Variants in NTAN1 observed in about 807,000 individuals in gnomAD.
NTAN1 encodes N-terminal asparagine amidase, also known as protein N-terminal asparagine amidohydrolase.
Under a neutral mutation model 41.9 loss-of-function variants are expected in NTAN1, and 32 were observed. The ratio of observed to expected loss-of-function variants is 0.76; its 90% confidence interval spans 0.58 to 1.03. The LOEUF is 1.03. Ranked by LOEUF, NTAN1 falls within the 50% of genes least tolerant of loss-of-function variation. The pLI is 0.00. For synonymous variants in NTAN1, 140 were observed against 139.5 expected (o/e 1.00, Z -0.03); for missense variants, 377 against 377.5 (o/e 1.00, Z 0.01).
intron 1 of NTAN1, among the ~76,000 whole-genome samples, chr16:15,051,814 C>A (rs2044303269): frequency 6.6e-6 from 1 of 151,830 alleles, no homozygotes; most frequent in African/African-American, 2.4e-5. Context: ...AATCCTCCCA[C>A]CTCAGCCTCC....
At chr16:15,052,258 G>A (rs964650437) in intron 1 of NTAN1, among the ~76,000 whole-genome samples, 3 of 152,140 alleles carry the variant, frequency 2.0e-5, no homozygotes, top group Admixed American at 6.5e-5. Flanking sequence ...AGGTGACACC[G>A]AAGTTTTAAT....
rs2044494369 is a variant in NTAN1 at position 15,055,924 on chromosome 16, G to A, written c.48C>T (p.Ala16=). The A allele has an allele frequency of 1.6e-6, 2 of 1,232,484 alleles. No homozygotes were observed. The highest frequency in any genetic ancestry group is 2.0e-6 in the Non-Finnish European group (2 of 987,430). 76.3% of individuals were successfully genotyped at this position (1,232,484 alleles called of 1,614,324 possible). A position where few individuals can be genotyped will look rare whatever the true frequency, so the allele number is the denominator to read the frequency against. ...EGRRVRLPQS[A]GDLVRAHPPL... ...GCGGGTGGGCTCGGACGAGGTCCCC[G>A]GCTGACTGCGGCAGCCGCACTCGCC... The change falls in exon 1 of 10, where the codon GCC becomes GCT. Residue 16 remains alanine, a synonymous_variant. Transcript: ENST00000287706.
chr16:15,050,071 A>G (rs2044237503), intron 1 of NTAN1, among the ~76,000 whole-genome samples: 3 of 152,214 alleles, frequency 2.0e-5, no homozygotes, highest in Non-Finnish European at 4.4e-5. Context: ...TCACATAGTT[A>G]TTGTTAGAAT....
chr16:15,047,335 C>CA (rs1157454438), intron 4 of NTAN1, 107 bp downstream of exon 4: 1 of 762,322 alleles, frequency 1.3e-6, no homozygotes, highest in Admixed American at 2.0e-5. Flanking sequence ...ACGAGGCAGA[C>CA]ACGGCAGTGG....
At chr16:15,039,058 ATTAT>A (rs142235290) in intron 8 of NTAN1, among the ~76,000 whole-genome samples, 36 of 152,294 alleles carry the variant, frequency 2.4e-4, no homozygotes, top group Non-Finnish European at 3.8e-4. Flanking sequence ...CCATTGCCTC[ATTAT>A]TTATACCCCA....
intron 5 of NTAN1, among the ~76,000 whole-genome samples, chr16:15,042,534 T>C (rs758046486): frequency 2.6e-5 from 4 of 152,156 alleles, no homozygotes; most frequent in Non-Finnish European, 5.9e-5. Flanking sequence ...TATTTTCCCA[T>C]GTAATTCTCA....
In NTAN1 at chr16:15,038,171, C is replaced by A. The variant is rs1298572974; in HGVS notation, c.793G>T (p.Val265Phe). The A allele has an allele frequency of 6.2e-7, 1 of 1,613,226 alleles. No homozygotes were observed. The highest frequency in any genetic ancestry group is 8.5e-7 in the Non-Finnish European group (1 of 1,179,736). ...ATCAAGGTAGATCTAATATGTTCAACAAAGTGGGGTGGCTCAGCCAGAGGC... is the reference window on the plus strand; with the variant it reads ...ATCAAGGTAGATCTAATATGTTCAAAAAAGTGGGGTGGCTCAGCCAGAGGC... Reference protein sequence around the residue: ...TSPLAEPPHFVEHIRSTLMFL... With the variant: ...TSPLAEPPHFFEHIRSTLMFL... Residue 265 changes from valine to phenylalanine, a missense_variant, in exon 10 of 10, where the codon GTT becomes TTT. Val to Phe is a conservative substitution (Grantham distance 50, BLOSUM62 -1). Coordinates refer to ENST00000287706, the MANE Select transcript of NTAN1 (RefSeq NM_173474.4).
intron 1 of NTAN1, among the ~76,000 whole-genome samples, chr16:15,051,268 GCTC>G (rs1381731530): frequency 6.6e-6 from 1 of 152,232 alleles, no homozygotes; most frequent in East Asian, 1.9e-4. Flanking sequence ...CTTCAACACA[GCTC>G]CTACGATTTC....
Position 15,038,577 on chromosome 16 carries a change from T to C in NTAN1, c.750A>G (p.Leu250=). Residue 250 remains leucine (L), a synonymous_variant, in exon 9 of 10, where the codon CTA becomes CTG. Transcript: ENST00000287706. ...FWLHQDDKQI[L]ENLSTSPLAE... is the part of the protein sequence containing the mutation. ...TACCCAGCCTGTAAACTCTCACCTCTAGTATTTGCTTGTCATCTTGGTGCA... is the reference window on the plus strand; with the variant it reads ...TACCCAGCCTGTAAACTCTCACCTCCAGTATTTGCTTGTCATCTTGGTGCA... 6.6e-7 allele frequency: 1 copy of C among 1,518,974 alleles called. No homozygotes were observed. The highest frequency in any genetic ancestry group is 9.1e-7 in the Non-Finnish European group (1 of 1,094,052). 94.1% of individuals were successfully genotyped at this position (1,518,974 alleles called of 1,614,324 possible).
At chr16:15,040,126 A>G in intron 7 of NTAN1, 60 bp from the exon 8 acceptor site, 1 of 909,306 alleles carries the variant, frequency 1.1e-6, no homozygotes, top group East Asian at 2.5e-5. Context: ...AAGTCTGCAC[A>G]GTCTTACATT....
chr16:15,042,248 C>T (rs369163659), intron 5 of NTAN1, among the ~76,000 whole-genome samples: 1 of 144,730 alleles, frequency 6.9e-6, no homozygotes, highest in South Asian at 2.2e-4. Flanking sequence ...TGCAGTGGAG[C>T]GATCTCTGCT....
chr16:15,047,293 G>A, intron 4 of NTAN1, 149 bp downstream of exon 4: 1 of 637,390 alleles, frequency 1.6e-6, no homozygotes, highest in Admixed American at 2.4e-5. Context: ...CTGACGCAGT[G>A]CCCACGTCGT....
rs753802699 is a variant in NTAN1, at chr16:15,047,518, C to T, written c.283G>A (p.Gly95Arg). 7 of 1,613,854 alleles carry T rather than the reference C, an allele frequency of 4.3e-6. No homozygotes were observed. Among genetic ancestry groups the T allele is most frequent in the Middle Eastern group, 1.6e-4 (1 of 6,084 alleles). The change falls in exon 4 of 10, where the codon GGA (glycine) becomes AGA (arginine). Residue 95 changes from glycine (G) to arginine (R), a missense_variant. Gly to Arg is a moderately radical substitution (Grantham distance 125). Coordinates refer to ENST00000287706, the MANE Select transcript of NTAN1 (RefSeq NM_173474.4). ...NGATCLTHCD[G>R]TDTKAEVPLI... ...GGGACCTCAGCTTTGGTGTCGGTTC[C>T]GTCACAATGTGTCAAGCAGGTGGCC...
In NTAN1 at chr16:15,055,689, G is replaced by A. The variant is rs746953071; in HGVS notation, c.81+202C>T. 447 of 370,664 alleles carry A rather than the reference G, an allele frequency of 1.2e-3. 3 individuals are homozygous for A. The highest frequency in any genetic ancestry group is 2.5e-4 in the Non-Finnish European group (52 of 208,344). 23.0% of individuals were successfully genotyped at this position (370,664 alleles called of 1,614,324 possible). Reference sequence around the variant, plus strand: ...CCCCCGTCCCCTCCCTTGTCAGAGAGTGGCCTCCGGGGCAGCCCGCTGAAG... The same window carrying A: ...CCCCCGTCCCCTCCCTTGTCAGAGAATGGCCTCCGGGGCAGCCCGCTGAAG... On this transcript the variant is annotated intron_variant, in intron 1 of 9. Transcript: ENST00000287706.
chr16:15,047,497 C>T lies in NTAN1; in HGVS notation c.304G>A (p.Val102Ile). Residue 102 changes from valine (V) to isoleucine (I), a missense_variant, in exon 4 of 10, where the codon GTC (valine) becomes ATC (isoleucine). By Grantham distance (29) the Val-to-Ile change is conservative. Coordinates refer to ENST00000287706, the MANE Select transcript of NTAN1 (RefSeq NM_173474.4). ...HCDGTDTKAE[V>I]PLIMNSIKSF... Reference sequence around the variant, plus strand: ...TTTATGGAGTTCATGATCAAGGGGACCTCAGCTTTGGTGTCGGTTCCGTCA... The same window carrying T: ...TTTATGGAGTTCATGATCAAGGGGATCTCAGCTTTGGTGTCGGTTCCGTCA... The T allele has an allele frequency of 1.2e-6, 2 of 1,614,104 alleles. No homozygotes were observed. Among genetic ancestry groups the T allele is most frequent in the Non-Finnish European group, 1.7e-6 (2 of 1,179,938 alleles).
At position 15,037,992 on chromosome 16, in the gene NTAN1, T is replaced by TCAGGC. The variant is rs2043596472; in HGVS notation, c.*34_*38dup. The TCAGGC allele has an allele frequency of 6.6e-7, 1 of 1,525,852 alleles. No individual in the cohort carries two copies. Among genetic ancestry groups the TCAGGC allele is most frequent in the South Asian group, 1.2e-5 (1 of 86,148 alleles). 94.5% of individuals were successfully genotyped at this position (1,525,852 alleles called of 1,614,324 possible). ...TCGTGCCAGCCCCACCAATGGTCTG[T>TCAGGC]CAGGCCAAGAAGGTGCTTTCTTTGG... is the stretch of plus-strand genomic sequence containing the variant. On this transcript the variant is annotated 3_prime_UTR_variant, in exon 10 of 10. Transcript: ENST00000287706.
At chr16:15,038,245 A>C in intron 9 of NTAN1, 35 bp from the exon 10 acceptor site, 1 of 1,508,800 alleles carries the variant, frequency 6.6e-7, no homozygotes, top group Non-Finnish European at 9.2e-7. Context: ...TAGAGAAGCC[A>C]ACCTTACTGT....
In NTAN1 at chr16:15,041,089, A is replaced by G. The variant is rs1418688547; in HGVS notation, c.520T>C (p.Phe174Leu). 1.9e-6 allele frequency: 3 copies of G among 1,602,442 alleles called. No homozygotes were observed. The highest frequency in any genetic ancestry group is 2.7e-5 in the African/African-American group (2 of 74,696). Residue 174 changes from phenylalanine to leucine, a missense_variant, in exon 7 of 10, where the codon TTT becomes CTT. Coordinates refer to ENST00000287706, the MANE Select transcript of NTAN1 (RefSeq NM_173474.4). ...TTACCAATGCCATATATTACTGGAA[A>G]GTGGTTTTCGTTTTCTTCCCGGTCA... Reference protein sequence around the residue: ...LNDREENENHFPVIYGIAVNI... With the variant: ...LNDREENENHLPVIYGIAVNI...
At chr16:15,039,538 T>C (rs575162113) in intron 8 of NTAN1, among the ~76,000 whole-genome samples, 20 of 152,216 alleles carry the variant, frequency 1.3e-4, no homozygotes, top group Non-Finnish European at 2.5e-4. Flanking sequence ...ATTAATTTGA[T>C]CATTATTTTG....
Sources: gnomAD v4.1 joint callset for allele counts (sites outside exome capture counted in the v4.1 genomes callset) on GRCh38, gnomAD v4.1.1 for gene constraint, MANE v1.5 for transcripts, NCBI Gene and HGNC (gene_info 2026-07-23, HGNC 2026-07-21) for gene names.